NLRC4: variants seen among roughly 807,000 people sequenced by gnomAD.
NLRC4 encodes the protein NLR family CARD domain containing 4, also known as NLR family CARD domain-containing protein 4.
Under a neutral mutation model 79.9 loss-of-function variants are expected in NLRC4, and 63 were observed. The ratio of observed to expected loss-of-function variants is 0.79; its 90% confidence interval spans 0.64 to 0.97. The LOEUF (loss-of-function observed/expected upper bound fraction) is 0.97, where lower values mean the gene tolerates loss of function less well. Ranked by LOEUF, NLRC4 falls within the 50% of genes least tolerant of loss-of-function variation. The pLI, the probability that NLRC4 is intolerant of heterozygous loss-of-function variation, is 0.00. For synonymous variants in NLRC4, 461 were observed against 456.5 expected (o/e 1.01, Z -0.12); for missense variants, 1,074 against 1,215.2 (o/e 0.88, Z 1.73).
intron 8 of NLRC4, among the ~76,000 whole-genome samples, chr2:32,226,709 C>T (rs765362069): frequency 2.0e-5 from 3 of 152,224 alleles, no homozygotes; most frequent in East Asian, 1.9e-4. Flanking sequence ...GGAGAAACCC[C>T]GTCTCTAGTA....
At chr2:32,232,656 A>G (rs1376547905) in intron 8 of NLRC4, among the ~76,000 whole-genome samples, 1 of 152,230 alleles carries the variant, frequency 6.6e-6, no homozygotes, top group Non-Finnish European at 1.5e-5. Flanking sequence ...TTCAGCTATT[A>G]AAGACAAGAA....
intron 4 of NLRC4, among the ~76,000 whole-genome samples, chr2:32,245,174 G>A (rs1347305196): frequency 6.6e-6 from 1 of 151,900 alleles, no homozygotes; most frequent in African/African-American, 2.4e-5. Context: ...AGCCAGGCGT[G>A]TTATTGGGCG....
intron 1 of NLRC4, among the ~76,000 whole-genome samples, chr2:32,261,768 A>G (rs940040847): frequency 1.3e-5 from 2 of 152,148 alleles, no homozygotes; most frequent in Non-Finnish European, 2.9e-5. Flanking sequence ...CTGATTCATT[A>G]ACAATATAAA....
intron 8 of NLRC4, among the ~76,000 whole-genome samples, chr2:32,227,988 G>A (rs1179235129): frequency 6.6e-6 from 1 of 152,174 alleles, no homozygotes; most frequent in African/African-American, 2.4e-5. Context: ...CTCTTCATTT[G>A]TGTTGTCCTG....
rs768054051 is a variant in NLRC4, at chr2:32,235,527, G to C, written c.2656C>G (p.Leu886Val). Reference sequence around the variant, plus strand: ...CCTTGCACGTCACAGCCCCAGGGCAGCATCAGTGCGGTGAGCTGTTCTAGC... The same window carrying C: ...CCTTGCACGTCACAGCCCCAGGGCACCATCAGTGCGGTGAGCTGTTCTAGC... ...NVLEQLTALMLPWGCDVQGSL... is the reference protein window; with the variant it reads ...NVLEQLTALMVPWGCDVQGSL... Residue 886 changes from leucine (L) to valine (V), a missense_variant, in exon 8 of 9, where the codon CTG becomes GTG. By Grantham distance (32) the Leu-to-Val change is conservative. Coordinates refer to ENST00000402280, the MANE Select transcript of NLRC4 (RefSeq NM_001199138.2). The C allele has an allele frequency of 1.4e-5, 22 of 1,614,194 alleles. No homozygotes were observed. The highest frequency in any genetic ancestry group is 1.9e-5 in the Non-Finnish European group (22 of 1,180,014).
At chr2:32,239,205 C>G (rs1030784758) in intron 5 of NLRC4, among the ~76,000 whole-genome samples, 1 of 152,162 alleles carries the variant, frequency 6.6e-6, no homozygotes, top group African/African-American at 2.4e-5. Flanking sequence ...CGCTTGAACC[C>G]AGGAGGCAGA....
chr2:32,260,584 G>C (rs908669530), intron 1 of NLRC4, among the ~76,000 whole-genome samples: 4 of 152,136 alleles, frequency 2.6e-5, no homozygotes, highest in African/African-American at 9.7e-5. Context: ...AAAGCAGCCT[G>C]AAAAATCAAG....
intron 1 of NLRC4, among the ~76,000 whole-genome samples, chr2:32,258,553 A>G (rs974318885): frequency 6.6e-6 from 1 of 152,194 alleles, no homozygotes. Context: ...GTAATTGAGG[A>G]GACAGAAAAA....
At chr2:32,235,201 G>A (rs544797165) in intron 8 of NLRC4, among the ~76,000 whole-genome samples, 200 bp downstream of exon 8, 1 of 152,174 alleles carries the variant, frequency 6.6e-6, no homozygotes, top group East Asian at 1.9e-4. Context: ...ATTTAATTCT[G>A]TAGGTAAAGG....
In NLRC4 at chr2:32,224,503, A is replaced by C. The variant is rs775869664; in HGVS notation, c.3045T>G (p.Ile1015Met). The C allele has an allele frequency of 3.1e-6, 5 of 1,612,090 alleles. No homozygotes were observed. In the South Asian group the frequency reaches 5.5e-5, roughly 18 times the overall value. The change falls in exon 9 of 9, where the codon ATT becomes ATG. Residue 1015 changes from isoleucine (I) to methionine (M), a missense_variant. By Grantham distance (10) the Ile-to-Met change is conservative (BLOSUM62 1). Coordinates refer to ENST00000402280, the MANE Select transcript of NLRC4 (RefSeq NM_001199138.2). ...CAGTTACTAGTTTAAAAGCACCTGTAATAACACTGAGATCATCATCATCAA... is the reference window on the plus strand; with the variant it reads ...CAGTTACTAGTTTAAAAGCACCTGTCATAACACTGAGATCATCATCATCAA... ...WQFDDDDLSV[I>M]TGAFKLVTA is the part of the protein sequence containing the mutation.
intron 4 of NLRC4, among the ~76,000 whole-genome samples, chr2:32,244,699 CTGGG>C (rs1022202441): frequency 5.3e-5 from 8 of 152,148 alleles, no homozygotes; most frequent in Non-Finnish European, 1.2e-4. Flanking sequence ...CTAAAACTGG[CTGGG>C]TGCAGTGGCT....
chr2:32,259,756 C>G (rs899577437), intron 1 of NLRC4, among the ~76,000 whole-genome samples: 1 of 152,130 alleles, frequency 6.6e-6, no homozygotes, highest in Non-Finnish European at 1.5e-5. Context: ...GAAAATCACT[C>G]TTCTGATTTT....
At chr2:32,262,932 T>C (rs1687386192) in intron 1 of NLRC4, among the ~76,000 whole-genome samples, 1 of 150,658 alleles carries the variant, frequency 6.6e-6, no homozygotes, top group African/African-American at 2.4e-5. Flanking sequence ...AATATAATAA[T>C]ATATATTATA....
rs751434892 is a variant in NLRC4, at chr2:32,261,316, C to CTTTTTTTTTTTTTTT, written c.-119+3421_-119+3422insAAAAAAAAAAAAAAA. Among the ~76,000 whole-genome samples the CTTTTTTTTTTTTTTT allele has an allele frequency of 2.3e-3, 219 of 96,754 alleles. 20 individuals carry two copies. The highest frequency in any genetic ancestry group is 2.6e-3 in the Non-Finnish European group (123 of 48,020). The allele number at this position is 96,754 out of a possible 152,430, so 63.5% of individuals were successfully genotyped here. ...TTCTTTCGCCTATTAAGCCTCCCCC[C>CTTTTTTTTTTTTTTT]TTTTGTTTTTTTTTGAGATGGAGCC... On this transcript the variant is annotated intron_variant, in intron 1 of 8. Transcript: ENST00000402280.
chr2:32,248,947 C>T (rs1307477300), intron 4 of NLRC4, among the ~76,000 whole-genome samples: 1 of 152,198 alleles, frequency 6.6e-6, no homozygotes, highest in Non-Finnish European at 1.5e-5. Flanking sequence ...GCCATAACTA[C>T]AGCTTTGATT....
At chr2:32,265,222 C>T (rs192235349), upstream of NLRC4, among the ~76,000 whole-genome samples, 658 of 151,830 alleles carry the variant, frequency 4.3e-3, 10 homozygotes, top group African/African-American at 0.016. Flanking sequence ...GTTCTGTCAC[C>T]CAAGCTGGAG....
chr2:32,235,502 C>A lies in NLRC4; in HGVS notation c.2681G>T (p.Gly894Val). 6.2e-7 allele frequency: 1 copy of A among 1,614,136 alleles called. No individual in the cohort carries two copies. Among genetic ancestry groups the A allele is most frequent in the Non-Finnish European group, 8.5e-7 (1 of 1,179,962 alleles). ...LMLPWGCDVQGSLSSLLKHLE... is the reference protein window; with the variant it reads ...LMLPWGCDVQVSLSSLLKHLE... ...ATGTTTCAACAGGCTGCTCAGGCTG[C>A]CTTGCACGTCACAGCCCCAGGGCAG... The change falls in exon 8 of 9, where the codon GGC becomes GTC. Residue 894 changes from glycine (G) to valine (V), a missense_variant. Gly to Val is a moderately radical substitution (Grantham distance 109, BLOSUM62 -3). Transcript: ENST00000402280.
chr2:32,264,232 A>AGACC (rs1164778909), intron 1 of NLRC4, among the ~76,000 whole-genome samples: 4 of 152,042 alleles, frequency 2.6e-5, no homozygotes, highest in African/African-American at 9.7e-5. Context: ...TCAGGAGTTG[A>AGACC]GACCAGTCTG....
chr2:32,265,219 C>T (rs1369180032), upstream of NLRC4, among the ~76,000 whole-genome samples: 1 of 151,766 alleles, frequency 6.6e-6, no homozygotes, highest in Non-Finnish European at 1.5e-5. Context: ...CTTGTTCTGT[C>T]ACCCAAGCTG....
Sources: gnomAD v4.1 joint callset for allele counts (sites outside exome capture counted in the v4.1 genomes callset) on GRCh38, gnomAD v4.1.1 for gene constraint, MANE v1.5 for transcripts, NCBI Gene and HGNC (gene_info 2026-07-23, HGNC 2026-07-21) for gene names.